The following TSHZ2 variants were observed in gnomAD, a reference collection of about 807,000 sequenced individuals.
TSHZ2 encodes teashirt zinc finger homeobox 2.
Under a neutral mutation model 74.4 loss-of-function variants are expected in TSHZ2, and 21 were observed. The observed-to-expected ratio is 0.28, with a 90% confidence interval of 0.20 to 0.41. TSHZ2 has a LOEUF of 0.41. TSHZ2 is among the 10% of genes least tolerant of loss of function. The pLI, the probability that TSHZ2 is intolerant of heterozygous loss-of-function variation, is 1.00. For synonymous variants in TSHZ2, 540 were observed against 515.3 expected (o/e 1.05, Z -0.65); for missense variants, 1,244 against 1,293.5 (o/e 0.96, Z 0.59).
intron 1 of TSHZ2, among the ~76,000 whole-genome samples, chr20:53,162,474 C>T (rs573579088): frequency 1.1e-4 from 17 of 152,316 alleles, no homozygotes; most frequent in African/African-American, 3.8e-4. Context: ...ACTTCAGTTT[C>T]TCTGATGGTA....
intron 1 of TSHZ2, among the ~76,000 whole-genome samples, chr20:53,111,618 G>A (rs1026184516): frequency 1.3e-5 from 2 of 152,192 alleles, no homozygotes; most frequent in African/African-American, 4.8e-5. Flanking sequence ...GCAGAGAAGA[G>A]ACCTGGAACA....
intron 2 of TSHZ2, among the ~76,000 whole-genome samples, chr20:53,324,406 G>T (rs186114557): frequency 5.9e-5 from 9 of 152,100 alleles, no homozygotes; most frequent in Non-Finnish European, 8.8e-5. Flanking sequence ...GAGACAAGGT[G>T]TTACTCTATC....
chr20:53,315,801 G>A (rs961205561), intron 2 of TSHZ2, among the ~76,000 whole-genome samples: 2 of 152,172 alleles, frequency 1.3e-5, no homozygotes, highest in East Asian at 1.9e-4. Flanking sequence ...TAATTGCAAC[G>A]AATGCTATGA....
At chr20:53,251,481 G>A (rs554256937) in intron 1 of TSHZ2, among the ~76,000 whole-genome samples, 2 of 152,204 alleles carry the variant, frequency 1.3e-5, no homozygotes, top group Admixed American at 6.5e-5. Flanking sequence ...TCGGCCATAT[G>A]GTCATTTTAA....
chr20:53,073,772 G>A (rs929892385), intron 1 of TSHZ2, among the ~76,000 whole-genome samples: 5 of 151,712 alleles, frequency 3.3e-5, no homozygotes, highest in African/African-American at 4.9e-5. Context: ...AAAAAAAACT[G>A]GTCTATTTTC....
intron 2 of TSHZ2, among the ~76,000 whole-genome samples, chr20:53,450,974 GA>G (rs986341426): frequency 8.9e-5 from 13 of 146,568 alleles, no homozygotes; most frequent in South Asian, 2.2e-4. Flanking sequence ...AGCCCAGAGG[GA>G]AAAAAAAAAG....
Position 53,494,993 on chromosome 20 carries a change from T to C in TSHZ2, c.*7858T>C, listed in dbSNP as rs1986546893. On this transcript the variant is annotated 3_prime_UTR_variant, in exon 3 of 3. Coordinates refer to ENST00000371497, the MANE Select transcript of TSHZ2 (RefSeq NM_173485.6). ...TGATTTTGCTGGAGGCTGTCCCTCA[T>C]TTTAATGCTGCAGCTATTGAACCAC... 6.6e-6 allele frequency: 1 copy of C among 152,182 alleles called. No homozygotes were observed. The highest frequency in any genetic ancestry group is 1.5e-5 in the Non-Finnish European group (1 of 68,044). 9.4% of individuals were successfully genotyped at this position (152,182 alleles called of 1,614,324 possible). A position where few individuals can be genotyped will look rare whatever the true frequency, so the allele number is the denominator to read the frequency against.
At chr20:53,317,935 A>T (rs1283896890) in intron 2 of TSHZ2, among the ~76,000 whole-genome samples, 1 of 152,230 alleles carries the variant, frequency 6.6e-6, no homozygotes, top group Non-Finnish European at 1.5e-5. Flanking sequence ...GGCCTCAACA[A>T]GTCTGTGAGG....
At chr20:53,204,728 G>A (rs1989121568) in intron 1 of TSHZ2, among the ~76,000 whole-genome samples, 1 of 152,008 alleles carries the variant, frequency 6.6e-6, no homozygotes, top group Non-Finnish European at 1.5e-5. Context: ...ATAACTCTTT[G>A]AAGCTATAAT....
At chr20:53,380,862 G>A (rs948908581) in intron 2 of TSHZ2, among the ~76,000 whole-genome samples, 10 of 152,130 alleles carry the variant, frequency 6.6e-5, no homozygotes, top group Admixed American at 2.0e-4. Context: ...TTATATTATC[G>A]CTAGCATTCA....
intron 1 of TSHZ2, among the ~76,000 whole-genome samples, chr20:53,033,278 G>T (rs1263467195): frequency 1.3e-5 from 2 of 152,200 alleles, no homozygotes; most frequent in African/African-American, 2.4e-5. Context: ...AAAGCAGGTG[G>T]CTTGCTACAT....
chr20:53,037,629 T>C lies in TSHZ2; in HGVS notation c.40+64296T>C, dbSNP rs376379646. 2.6e-5 allele frequency among the ~76,000 whole-genome samples: 4 copies of C among 152,370 alleles called. No individual in the cohort carries two copies. The East Asian group carries it at 7.7e-4, about 29-fold the overall frequency. Reference sequence around the variant, plus strand: ...GTAAGTTTCTAGGGGTCATAGAAGATACAGATTTTGACCTGCTTAATGTCA... The same window carrying C: ...GTAAGTTTCTAGGGGTCATAGAAGACACAGATTTTGACCTGCTTAATGTCA... On this transcript the variant is annotated intron_variant, in intron 1 of 2. Coordinates refer to ENST00000371497, the MANE Select transcript of TSHZ2 (RefSeq NM_173485.6).
intron 2 of TSHZ2, among the ~76,000 whole-genome samples, chr20:53,374,577 A>G (rs1277738947): frequency 6.6e-6 from 1 of 152,236 alleles, no homozygotes; most frequent in Non-Finnish European, 1.5e-5. Context: ...ACTGCTTTCC[A>G]CAATGACTAA....
At chr20:53,477,827 C>G (rs1216423321) in intron 2 of TSHZ2, among the ~76,000 whole-genome samples, 1 of 148,578 alleles carries the variant, frequency 6.7e-6, no homozygotes, top group South Asian at 2.2e-4. Flanking sequence ...AAAAAACAAA[C>G]AACCCCATCA....
chr20:53,344,683 C>A (rs1299576798), intron 2 of TSHZ2, among the ~76,000 whole-genome samples: 1 of 152,026 alleles, frequency 6.6e-6, no homozygotes, highest in Non-Finnish European at 1.5e-5. Context: ...TCACTAAAAG[C>A]AAATGAATTC....
At chr20:53,025,846 C>A (rs1023624848) in intron 1 of TSHZ2, among the ~76,000 whole-genome samples, 19 of 152,092 alleles carry the variant, frequency 1.2e-4, no homozygotes, top group African/African-American at 4.6e-4. Flanking sequence ...ATAGGATGAC[C>A]CTCACCTTTA....
At chr20:53,184,863 A>T (rs756478648) in intron 1 of TSHZ2, among the ~76,000 whole-genome samples, 1 of 152,142 alleles carries the variant, frequency 6.6e-6, no homozygotes, top group South Asian at 2.1e-4. Flanking sequence ...GTGCACCACC[A>T]TGCCTTGTTA....
chr20:53,349,288 A>G (rs1288851473), intron 2 of TSHZ2, among the ~76,000 whole-genome samples: 2 of 152,250 alleles, frequency 1.3e-5, no homozygotes, highest in African/African-American at 4.8e-5. Flanking sequence ...ATTAGAAACA[A>G]TGCCCACCAC....
chr20:53,223,872 C>G (rs756541422), intron 1 of TSHZ2, among the ~76,000 whole-genome samples: 1 of 149,658 alleles, frequency 6.7e-6, no homozygotes, highest in Non-Finnish European at 1.5e-5. Context: ...TGAATCTACA[C>G]ATGTGAAAAA....
Sources: allele counts gnomAD v4.1 joint callset (sites outside exome capture counted in the v4.1 genomes callset), GRCh38; gene constraint gnomAD v4.1.1; transcripts MANE v1.5; gene names NCBI Gene and HGNC (gene_info 2026-07-23, HGNC 2026-07-21).